Variants in SLC2A13 observed in about 807,000 individuals in gnomAD.
SLC2A13 encodes the protein proton myo-inositol cotransporter.
A neutral mutation model predicts 64.4 loss-of-function variants in SLC2A13; 32 were observed. That is an observed-to-expected ratio of 0.50 (90% confidence interval 0.37 to 0.67). SLC2A13 has a LOEUF of 0.67. Among genes scored for constraint, SLC2A13 ranks in the 30% least tolerant of loss-of-function variants. The probability of loss-of-function intolerance (pLI) is 0.00; values close to 1 mark genes in which losing one functional copy is unlikely to be tolerated. For synonymous variants in SLC2A13, 338 were observed against 327.1 expected (o/e 1.03, Z -0.36); for missense variants, 743 against 829.2 (o/e 0.90, Z 1.28).
intron 1 of SLC2A13, among the ~76,000 whole-genome samples, chr12:40,057,025 G>A (rs1010207117): frequency 6.6e-6 from 1 of 151,944 alleles, no homozygotes; most frequent in African/African-American, 2.4e-5. Context: ...GAAACGAAGA[G>A]CCATGAGGAG....
At chr12:39,895,233 G>A (rs894875093) in intron 4 of SLC2A13, among the ~76,000 whole-genome samples, 6 of 151,810 alleles carry the variant, frequency 4.0e-5, no homozygotes, top group Non-Finnish European at 7.4e-5. Context: ...TAACTAAACT[G>A]AATAAGTCAT....
chr12:39,832,105 A>T (rs1942868455), intron 6 of SLC2A13, among the ~76,000 whole-genome samples: 1 of 152,132 alleles, frequency 6.6e-6, no homozygotes, highest in African/African-American at 2.4e-5. Flanking sequence ...GGCCATTCAA[A>T]TGTACTGAGA....
At position 40,048,176 on chromosome 12, in the gene SLC2A13, C is replaced by T. The variant is rs779427681; in HGVS notation, c.591G>A (p.Ala197=). 42 of 1,612,538 alleles carry T rather than the reference C, an allele frequency of 2.6e-5. No individual in the cohort carries two copies. Among genetic ancestry groups the T allele is most frequent in the East Asian group, 8.9e-5 (4 of 44,852 alleles). The change falls in exon 2 of 10, where the codon GCG becomes GCA. Residue 197 remains alanine, a synonymous_variant. Coordinates refer to ENST00000280871, the MANE Select transcript of SLC2A13 (RefSeq NM_052885.4). ...CTCTTAAATTGGGTGGTGAGACCTC[C>T]GCAATGTACACTGGCACTGTCATAG... The part of the protein sequence containing the change: ...IASMTVPVYI[A]EVSPPNLRGR...
chr12:40,068,341 C>A, intron 1 of SLC2A13: 1 of 402,214 alleles, frequency 2.5e-6, no homozygotes. Flanking sequence ...TTTCCACATG[C>A]TGTGCCCAGT....
At chr12:40,077,410 T>C (rs1427038787) in intron 1 of SLC2A13, among the ~76,000 whole-genome samples, 1 of 152,218 alleles carries the variant, frequency 6.6e-6, no homozygotes, top group Admixed American at 6.5e-5. Flanking sequence ...AAATAGGTAA[T>C]CCTTTCCCCA....
chr12:40,075,511 A>G (rs1367611655), intron 1 of SLC2A13, among the ~76,000 whole-genome samples: 1 of 152,160 alleles, frequency 6.6e-6, no homozygotes, highest in Admixed American at 6.6e-5. Flanking sequence ...ACTGGTGACT[A>G]CAAGCTCCTG....
At position 40,028,465 on chromosome 12, in the gene SLC2A13, A is replaced by G. The variant is rs1397155244; in HGVS notation, c.761T>C (p.Phe254Ser). 3.7e-6 allele frequency: 6 copies of G among 1,613,982 alleles called. No homozygotes were observed. Among genetic ancestry groups the G allele is most frequent in the Non-Finnish European group, 4.2e-6 (5 of 1,179,982 alleles). Residue 254 changes from phenylalanine to serine, a missense_variant, in exon 3 of 10, where the codon TTT becomes TCT. Around this residue, in one of 2 missense-constraint regions of SLC2A13, gnomAD observed 448 missense variants for 447.4 expected, o/e 1.00. Transcript: ENST00000280871. ...GCTTTCAGGCAAAAAGAGAAAGCCA[A>G]AAAACTGTATAACCGCCGGAACTGC... ...LAAVPAVIQF[F>S]GFLFLPESPR...
intron 4 of SLC2A13, among the ~76,000 whole-genome samples, chr12:39,921,548 C>T (rs1592284982): frequency 6.6e-6 from 1 of 152,178 alleles, no homozygotes; most frequent in East Asian, 1.9e-4. Context: ...TTTAGACAGT[C>T]CATGATTGGT....
chr12:39,935,643 G>C (rs1275310848), intron 4 of SLC2A13, among the ~76,000 whole-genome samples: 2 of 152,144 alleles, frequency 1.3e-5, no homozygotes, highest in Non-Finnish European at 2.9e-5. Flanking sequence ...ACTATTCATA[G>C]ATATCCACTC....
At chr12:40,082,662 G>A (rs1190775526) in intron 1 of SLC2A13, among the ~76,000 whole-genome samples, 1 of 152,186 alleles carries the variant, frequency 6.6e-6, no homozygotes, top group Non-Finnish European at 1.5e-5. Flanking sequence ...AGTGGGCCTT[G>A]AAGGATGAGC....
chr12:40,065,405 A>G (rs1456090123), intron 1 of SLC2A13, among the ~76,000 whole-genome samples: 3 of 151,400 alleles, frequency 2.0e-5, no homozygotes, highest in Non-Finnish European at 4.4e-5. Context: ...AACATAGTGA[A>G]ACCTCATCTT....
intron 7 of SLC2A13, among the ~76,000 whole-genome samples, chr12:39,772,067 C>T (rs1410057497): frequency 6.6e-6 from 1 of 152,080 alleles, no homozygotes; most frequent in Admixed American, 6.6e-5. Context: ...CCTCTCAACT[C>T]CTTTTCACTT....
intron 4 of SLC2A13, among the ~76,000 whole-genome samples, chr12:39,915,025 T>C (rs998432445): frequency 1.3e-5 from 2 of 151,838 alleles, no homozygotes; most frequent in Admixed American, 1.3e-4. Context: ...TTTATAAATA[T>C]AATACATAAG....
Position 40,106,036 on chromosome 12 carries a change from C to T in SLC2A13, c.-228G>A, listed in dbSNP as rs1464322365. The T allele has an allele frequency of 1.4e-5, 6 of 426,616 alleles. No individual in the cohort carries two copies. Among genetic ancestry groups the T allele is most frequent in the South Asian group, 1.5e-4 (2 of 13,462 alleles). The allele number at this position is 426,616 out of a possible 1,614,324, so 26.4% of individuals were successfully genotyped here. ...GAGTTGGAGCCCGGCGGGTCTCACT[C>T]CACACTCACGCCCCGCGCCTGCCGA... is the stretch of plus-strand genomic sequence containing the variant. On this transcript the variant is annotated 5_prime_UTR_variant, in exon 1 of 10. Transcript: ENST00000280871.
At chr12:39,952,399 C>T (rs1053398991) in intron 3 of SLC2A13, among the ~76,000 whole-genome samples, 5 of 152,022 alleles carry the variant, frequency 3.3e-5, no homozygotes, top group South Asian at 4.1e-4. Flanking sequence ...AAACCAAGTC[C>T]GGTAAATTAA....
chr12:39,945,552 AT>A (rs912129793), intron 4 of SLC2A13, among the ~76,000 whole-genome samples: 12 of 150,996 alleles, frequency 7.9e-5, no homozygotes, highest in South Asian at 4.2e-4. Context: ...ATATTTTCTT[AT>A]TTTTTTTCTT....
intron 4 of SLC2A13, among the ~76,000 whole-genome samples, chr12:39,946,783 C>T (rs545213026): frequency 4.4e-4 from 67 of 152,286 alleles, no homozygotes; most frequent in African/African-American, 1.4e-3. Flanking sequence ...CAAGGCTGTC[C>T]GCCTCCCAGT....
chr12:40,028,359 A>T lies in SLC2A13; in HGVS notation c.867T>A (p.Asp289Glu), dbSNP rs1450097067. The T allele has an allele frequency of 1.2e-6, 2 of 1,613,884 alleles. No homozygotes were observed. Among genetic ancestry groups the T allele is most frequent in the Admixed American group, 1.7e-5 (1 of 59,978 alleles). ...LSQMRGNQTIDEEYDSIKNNI... is the reference protein window; with the variant it reads ...LSQMRGNQTIEEEYDSIKNNI... ...TGTTTTTGATGCTATCATATTCCTC[A>T]TCAATGGTCTGGTTACCACGCATCT... The change falls in exon 3 of 10, where the codon GAT becomes GAA. Residue 289 changes from aspartate to glutamate, a missense_variant. Asp to Glu is a conservative substitution (Grantham distance 45, BLOSUM62 2). Around this residue, in one of 2 missense-constraint regions of SLC2A13, gnomAD observed 448 missense variants for 447.4 expected, o/e 1.00. Coordinates refer to ENST00000280871, the MANE Select transcript of SLC2A13 (RefSeq NM_052885.4).
rs147076544 is a variant in SLC2A13 at position 39,935,081 on chromosome 12, C to T, written c.1034+16176G>A. On this transcript the variant is annotated intron_variant, in intron 4 of 9. Coordinates refer to ENST00000280871, the MANE Select transcript of SLC2A13 (RefSeq NM_052885.4). ...TTGAAGAATACTTTATGGAAATCTT[C>T]AGTGTTGAAATCCAAATTAAATTTA... is the stretch of plus-strand genomic sequence containing the variant. Among the ~76,000 whole-genome samples, 476 of 152,268 alleles carry T rather than the reference C, an allele frequency of 3.1e-3. 5 individuals carry two copies. Among genetic ancestry groups the T allele is most frequent in the African/African-American group, 0.011 (439 of 41,552 alleles).
Sources: allele counts gnomAD v4.1 joint callset (sites outside exome capture counted in the v4.1 genomes callset), GRCh38; gene constraint gnomAD v4.1.1; regional missense constraint gnomAD v4.1.1; transcripts MANE v1.5; gene names NCBI Gene and HGNC (gene_info 2026-07-23, HGNC 2026-07-21).